SLC2A9: variants seen among roughly 807,000 people sequenced by gnomAD.
SLC2A9 encodes solute carrier family 2 member 9, also known as solute carrier family 2, facilitated glucose transporter member 9.
A neutral mutation model predicts 50.6 loss-of-function variants in SLC2A9; 39 were observed. The observed-to-expected ratio is 0.77, with a 90% CI of 0.60 to 1.01. SLC2A9 has a LOEUF of 1.01. Ranked by LOEUF, SLC2A9 falls within the 50% of genes least tolerant of loss-of-function variation. The pLI, the probability that SLC2A9 is intolerant of heterozygous loss-of-function variation, is 0.00. For synonymous variants in SLC2A9, 324 were observed against 276.9 expected (o/e 1.17, Z -1.69); for missense variants, 686 against 677.6 (o/e 1.01, Z -0.14).
intron 6 of SLC2A9, among the ~76,000 whole-genome samples, chr4:9,927,202 A>C: frequency 9.5e-6 from 1 of 104,938 alleles, no homozygotes; most frequent in African/African-American, 4.8e-5. Flanking sequence ...TATTTAGTAG[A>C]GATGGGGTTT....
At chr4:9,890,547 C>T (rs1737185297) in intron 9 of SLC2A9, 63 bp downstream of exon 9, 5 of 1,504,000 alleles carry the variant, frequency 3.3e-6, no homozygotes, top group Middle Eastern at 1.7e-4. Context: ...GGCCCCAAAA[C>T]GATGAAGCCA....
intron 7 of SLC2A9, among the ~76,000 whole-genome samples, chr4:9,916,104 A>G (rs969993004): frequency 6.6e-6 from 1 of 152,174 alleles, no homozygotes; most frequent in South Asian, 2.1e-4. Flanking sequence ...TGTTTAGAGA[A>G]AGCGTAAGAA....
chr4:9,772,991 C>T (rs1717045663), intron 1 of SLC2A9, among the ~76,000 whole-genome samples: 1 of 152,244 alleles, frequency 6.6e-6, no homozygotes, highest in African/African-American at 2.4e-5. Flanking sequence ...CTTAAGGTTC[C>T]AGAGCTGGTA....
At chr4:10,001,148 C>T (rs529989425) in intron 2 of SLC2A9, among the ~76,000 whole-genome samples, 5 of 152,252 alleles carry the variant, frequency 3.3e-5, no homozygotes, top group South Asian at 2.1e-4. Flanking sequence ...AAGACAGACA[C>T]GGGTACAGAG....
chr4:9,946,903 T>A (rs115662655), intron 5 of SLC2A9, among the ~76,000 whole-genome samples: 7 of 152,324 alleles, frequency 4.6e-5, no homozygotes, highest in African/African-American at 1.7e-4. Flanking sequence ...AATTTAGACA[T>A]CAGAATTGCC....
intron 6 of SLC2A9, among the ~76,000 whole-genome samples, chr4:9,929,857 G>A (rs1356630275): frequency 6.6e-6 from 1 of 152,124 alleles, no homozygotes; most frequent in African/African-American, 2.4e-5. Flanking sequence ...CCAGAAGTTC[G>A]AGACCAGGGT....
chr4:9,772,405 G>C (rs1716940054), intron 1 of SLC2A9, among the ~76,000 whole-genome samples: 1 of 152,220 alleles, frequency 6.6e-6, no homozygotes. Flanking sequence ...ACAGGACAGA[G>C]CAGATTTCTT....
intron 2 of SLC2A9, among the ~76,000 whole-genome samples, chr4:10,003,706 A>T (rs1450560503): frequency 6.6e-6 from 1 of 152,194 alleles, no homozygotes; most frequent in Non-Finnish European, 1.5e-5. Flanking sequence ...ACATTCCCCA[A>T]GCTTGAGATT....
chr4:9,903,191 G>A (rs761901788), intron 8 of SLC2A9, among the ~76,000 whole-genome samples: 2 of 152,042 alleles, frequency 1.3e-5, no homozygotes, highest in Non-Finnish European at 1.5e-5. Context: ...AAACTCTGAG[G>A]CCTTTGATTC....
At chr4:9,955,640 C>A (rs1751119748) in intron 5 of SLC2A9, among the ~76,000 whole-genome samples, 1 of 152,092 alleles carries the variant, frequency 6.6e-6, no homozygotes, top group African/African-American at 2.4e-5. Flanking sequence ...TTCACTCCTG[C>A]TCTAACTCTT....
intron 2 of SLC2A9, among the ~76,000 whole-genome samples, chr4:10,004,173 T>C (rs532902087): frequency 6.6e-6 from 1 of 152,348 alleles, no homozygotes; most frequent in South Asian, 2.1e-4. Context: ...CTGCTAAGTA[T>C]GTATCAGACA....
intron 3 of SLC2A9, chr4:9,995,678 TGACA>T (rs1758524852): frequency 6.6e-6 from 1 of 152,204 alleles, no homozygotes; most frequent in Admixed American, 6.5e-5. Flanking sequence ...ATGTGGTCAA[TGACA>T]AGAATTTTTA....
chr4:9,983,111 G>A lies in SLC2A9; in HGVS notation c.536-2374C>T, dbSNP rs543769197. ...TCAAACTCCTGACCTCAGGTGATCC[G>A]CCCGCCTCGGCCTCCCAAAGTGCTG... On this transcript the variant is annotated intron_variant, in intron 4 of 11. Transcript: ENST00000264784. Among the ~76,000 whole-genome samples, 53 of 152,192 alleles carry A rather than the reference G, an allele frequency of 3.5e-4. 1 individual carries two copies. Among genetic ancestry groups the A allele is most frequent in the African/African-American group, 1.2e-3 (48 of 41,540 alleles).
Position 9,911,968 on chromosome 4 carries a change from T to G in SLC2A9, c.1003-3623A>C, listed in dbSNP as rs901662524. On this transcript the variant is annotated intron_variant, in intron 7 of 11. Coordinates refer to ENST00000264784, the MANE Select transcript of SLC2A9 (RefSeq NM_020041.3). ...TGGAATACTATGCAGCCATAAAAAA[T>G]AATGAGTTCATGTCCTTTGTAGGGA... is the stretch of plus-strand genomic sequence containing the variant. Among the ~76,000 whole-genome samples the G allele has an allele frequency of 3.3e-5, 5 of 152,174 alleles. No homozygotes were observed. The East Asian group carries it at 9.7e-4, about 29-fold the overall frequency.
intron 10 of SLC2A9, among the ~76,000 whole-genome samples, chr4:9,882,594 A>G (rs1289200330): frequency 1.3e-5 from 2 of 151,870 alleles, no homozygotes; most frequent in Non-Finnish European, 2.9e-5. Context: ...CTGCAGTCCC[A>G]GCTTCTTGGG....
upstream of SLC2A9, chr4:10,025,877 G>C: frequency 6.3e-7 from 1 of 1,592,582 alleles, no homozygotes; most frequent in Non-Finnish European, 8.5e-7. Flanking sequence ...AATCATGTAA[G>C]GGAGACAGAA....
chr4:9,927,443 G>A (rs1288864831), intron 6 of SLC2A9, among the ~76,000 whole-genome samples: 1 of 152,252 alleles, frequency 6.6e-6, no homozygotes, highest in Non-Finnish European at 1.5e-5. Context: ...CTTCCCTCTT[G>A]TGATCGGGGG....
chr4:9,834,834 A>C, intron 11 of SLC2A9, 47 bp downstream of exon 11: 2 of 1,613,734 alleles, frequency 1.2e-6, no homozygotes, highest in Non-Finnish European at 1.7e-6. Context: ...CAAGTGCTGC[A>C]GAATCAAAGG....
intron 11 of SLC2A9, among the ~76,000 whole-genome samples, chr4:9,830,258 C>T (rs6857478): frequency 0.54 from 82,622 of 152,046 alleles, 23,521 homozygotes; most frequent in Non-Finnish European, 0.63. Flanking sequence ...AAAACTAACA[C>T]AGGAACAGAA....
Sources: gnomAD v4.1 joint callset for allele counts (sites outside exome capture counted in the v4.1 genomes callset) on GRCh38, gnomAD v4.1.1 for gene constraint, MANE v1.5 for transcripts, NCBI Gene and HGNC (gene_info 2026-07-23, HGNC 2026-07-21) for gene names.